PTPRK: variants seen among roughly 807,000 people sequenced by gnomAD.
PTPRK encodes the protein receptor-type tyrosine-protein phosphatase kappa.
Under a neutral mutation model 178.0 loss-of-function variants are expected in PTPRK, and 75 were observed. That is an observed-to-expected ratio of 0.42 (90% CI 0.35 to 0.51). The LOEUF is 0.51. PTPRK is among the 20% of genes least tolerant of loss of function. The pLI is 0.02. For missense variants in PTPRK, 1,441 were observed against 1,797.8 expected (o/e 0.80, Z 3.59); for synonymous variants, 637 against 620.6 (o/e 1.03, Z -0.39).
intron 7 of PTPRK, among the ~76,000 whole-genome samples, chr6:128,177,013 AT>A (rs2114669150): frequency 6.6e-6 from 1 of 151,818 alleles, no homozygotes; most frequent in East Asian, 1.9e-4. Context: ...AACAAAAGAT[AT>A]GAATAGGGTG....
At chr6:128,184,767 A>G in intron 6 of PTPRK, 42 bp from the exon 7 acceptor site, 1 of 1,565,406 alleles carries the variant, frequency 6.4e-7, no homozygotes, top group Non-Finnish European at 8.7e-7. Flanking sequence ...AAGATTTAAA[A>G]TAATACAAAG....
chr6:128,192,326 G>T (rs1415448126), intron 6 of PTPRK, among the ~76,000 whole-genome samples: 1 of 152,042 alleles, frequency 6.6e-6, no homozygotes, highest in Non-Finnish European at 1.5e-5. Flanking sequence ...AGTGACCAGG[G>T]AACTCCAGGA....
intron 1 of PTPRK, among the ~76,000 whole-genome samples, chr6:128,487,439 C>A (rs1853110505): frequency 6.6e-6 from 1 of 151,558 alleles, no homozygotes; most frequent in Admixed American, 6.6e-5. Context: ...CTCTATCTCC[C>A]CTGAAGCAAG....
chr6:128,508,981 GA>G (rs1295382138), intron 1 of PTPRK, among the ~76,000 whole-genome samples: 1 of 151,172 alleles, frequency 6.6e-6, no homozygotes, highest in African/African-American at 2.4e-5. Flanking sequence ...AAAAGAAAAC[GA>G]AAAAATTTCA....
rs143781120 is a variant in PTPRK, at chr6:128,223,693, G to A, written c.694-4597C>T. Among the ~76,000 whole-genome samples, 58 of 152,194 alleles carry A rather than the reference G, an allele frequency of 3.8e-4. 1 individual carries two copies. The highest frequency in any genetic ancestry group is 7.2e-4 in the Non-Finnish European group (49 of 67,994). On this transcript the variant is annotated intron_variant, in intron 5 of 29. Coordinates refer to ENST00000368226, the MANE Select transcript of PTPRK (RefSeq NM_002844.4). ...CACCTCCATGTACCTTATATTATGTGAGCTGTTACTGGTTCTGTGGCTTCT... is the reference window on the plus strand; with the variant it reads ...CACCTCCATGTACCTTATATTATGTAAGCTGTTACTGGTTCTGTGGCTTCT...
chr6:128,238,791 G>A (rs996703599), intron 5 of PTPRK, among the ~76,000 whole-genome samples: 3 of 151,898 alleles, frequency 2.0e-5, no homozygotes, highest in Non-Finnish European at 4.4e-5. Flanking sequence ...CAGAAAAAAG[G>A]GACCCTCATC....
chr6:128,303,670 A>G (rs529719047), intron 3 of PTPRK, among the ~76,000 whole-genome samples: 1 of 152,320 alleles, frequency 6.6e-6, no homozygotes, highest in African/African-American at 2.4e-5. Flanking sequence ...GCTGTAGTTG[A>G]TTACCTTAAG....
intron 1 of PTPRK, chr6:128,491,720 T>G (rs1562630239): frequency 2.0e-6 from 1 of 501,160 alleles, no homozygotes; most frequent in South Asian, 1.5e-5. Context: ...ATCATTTTTT[T>G]TCTCTTGTTA....
intron 29 of PTPRK, among the ~76,000 whole-genome samples, chr6:127,972,612 A>C (rs191197383): frequency 3.3e-5 from 5 of 152,322 alleles, no homozygotes; most frequent in Middle Eastern, 3.4e-3. Context: ...ATAATTATAG[A>C]TAATGACAAA....
chr6:128,201,781 G>A (rs1253975156), intron 6 of PTPRK, among the ~76,000 whole-genome samples: 1 of 151,974 alleles, frequency 6.6e-6, no homozygotes, highest in Non-Finnish European at 1.5e-5. Flanking sequence ...CATGCTACTT[G>A]TTAGGGCAGG....
intron 5 of PTPRK, among the ~76,000 whole-genome samples, chr6:128,230,417 T>C (rs775973736): frequency 6.6e-6 from 1 of 151,336 alleles, no homozygotes; most frequent in African/African-American, 2.4e-5. Context: ...TTCATGAGAG[T>C]GGTTATTTGT....
intron 3 of PTPRK, chr6:128,321,462 C>T (rs1257739755): frequency 4.0e-6 from 1 of 247,250 alleles, no homozygotes. Flanking sequence ...CTGAAACAAA[C>T]ATCCAAAGCT....
chr6:128,109,786 G>T (rs992223128), intron 7 of PTPRK, among the ~76,000 whole-genome samples: 3 of 151,992 alleles, frequency 2.0e-5, no homozygotes, highest in Non-Finnish European at 4.4e-5. Flanking sequence ...TATAGAACAA[G>T]AACAAAACAT....
intron 2 of PTPRK, among the ~76,000 whole-genome samples, chr6:128,380,893 G>A (rs985620224): frequency 1.3e-5 from 2 of 152,172 alleles, no homozygotes; most frequent in African/African-American, 4.8e-5. Context: ...ATCCAAGTAA[G>A]TATCTTACAA....
At chr6:128,285,730 G>C (rs768142685) in intron 3 of PTPRK, among the ~76,000 whole-genome samples, 1 of 152,016 alleles carries the variant, frequency 6.6e-6, no homozygotes, top group East Asian at 1.9e-4. Context: ...CCTTGAACCC[G>C]GGAGGCTTGC....
Position 127,973,710 on chromosome 6 carries a change from G to A in PTPRK, c.4087C>T (p.Gln1363Ter), listed in dbSNP as rs1774198865. ...CCTTCCCCTTCCTCGCATTCCTCCT[G>A]CCACTTTTCCACCTGAAGTATCAGT... The part of the protein sequence containing the change: ...LKLILQVEKW[Q>*]EECEEGEGRT... Residue 1363 changes from glutamine (Q) to a stop codon, truncating the protein, a stop_gained, in exon 28 of 30, where the codon CAG (glutamine) becomes TAG (stop). Transcript: ENST00000368226. LOFTEE classifies it high-confidence loss of function. The A allele has an allele frequency of 6.2e-7, 1 of 1,613,746 alleles. No individual in the cohort carries two copies. The highest frequency in any genetic ancestry group is 8.5e-7 in the Non-Finnish European group (1 of 1,179,932).
intron 2 of PTPRK, among the ~76,000 whole-genome samples, chr6:128,353,591 C>T (rs566907328): frequency 2.3e-4 from 35 of 152,214 alleles, no homozygotes; most frequent in Middle Eastern, 3.4e-3. Flanking sequence ...AAAAACTGAA[C>T]CCAAAAGGTA....
chr6:128,192,928 GA>G (rs1193396995), intron 6 of PTPRK, among the ~76,000 whole-genome samples: 2 of 149,928 alleles, frequency 1.3e-5, no homozygotes, highest in African/African-American at 4.9e-5. Flanking sequence ...GAGAAAGGGA[GA>G]GGGGGAAGGA....
At chr6:128,503,521 T>C (rs1343641600) in intron 1 of PTPRK, among the ~76,000 whole-genome samples, 1 of 152,210 alleles carries the variant, frequency 6.6e-6, no homozygotes, top group Non-Finnish European at 1.5e-5. Flanking sequence ...GTCAACTAAA[T>C]CATTTTGCCC....
Sources: gnomAD v4.1 joint callset for allele counts (sites outside exome capture counted in the v4.1 genomes callset) on GRCh38, gnomAD v4.1.1 for gene constraint, MANE v1.5 for transcripts, NCBI Gene and HGNC (gene_info 2026-07-23, HGNC 2026-07-21) for gene names.